Variants in DPY19L4 observed in about 807,000 individuals in gnomAD.
DPY19L4 encodes dpy-19 like 4.
In DPY19L4, 97 loss-of-function variants were observed where a neutral mutation model predicts 102.8. The observed-to-expected ratio is 0.94, with a 90% CI of 0.80 to 1.12. The LOEUF is 1.12. Among genes scored for constraint, DPY19L4 ranks in the 50% most tolerant of loss-of-function variants. The pLI, the probability that DPY19L4 is intolerant of heterozygous loss-of-function variation, is 0.00. For missense variants in DPY19L4, 815 were observed against 850.4 expected, an observed-to-expected ratio of 0.96 and a Z score of 0.52; for synonymous variants, 252 against 283.1, an observed-to-expected ratio of 0.89 and a Z score of 1.10.
Position 94,734,770 on chromosome 8 carries a change from T to A in DPY19L4, c.252+16T>A, listed in dbSNP as rs1336108413. On this transcript the variant is annotated intron_variant, in intron 3 of 18. Coordinates refer to ENST00000414645, the MANE Select transcript of DPY19L4 (RefSeq NM_181787.3). ...CAACAGGCAGGTAAGAAGAAAGAAT[T>A]TTGAGCATATGAAAGTTATTTTCCC... is the stretch of plus-strand genomic sequence containing the variant. The A allele has an allele frequency of 1.2e-6, 2 of 1,613,088 alleles. No homozygotes were observed. The highest frequency in any genetic ancestry group is 2.2e-5 in the South Asian group (2 of 90,744).
rs568136321 is a variant in DPY19L4 at position 94,740,720 on chromosome 8, G to A, written c.611+930G>A. Among the ~76,000 whole-genome samples the A allele has an allele frequency of 6.4e-4, 97 of 152,306 alleles. 1 individual carries two copies. The highest frequency in any genetic ancestry group is 2.2e-3 in the African/African-American group (91 of 41,580). ...TCCACCCACCTTGGCCTCCCAAAGT[G>A]TTGGGATTACAGGTGTGAGCCACTG... On this transcript the variant is annotated intron_variant, in intron 6 of 18. Coordinates refer to ENST00000414645, the MANE Select transcript of DPY19L4 (RefSeq NM_181787.3).
chr8:94,755,154 T>G (rs183639408), intron 6 of DPY19L4, among the ~76,000 whole-genome samples: 6 of 152,336 alleles, frequency 3.9e-5, no homozygotes, highest in Non-Finnish European at 8.8e-5. Flanking sequence ...TATAAGACTG[T>G]GATATTAATT....
intron 6 of DPY19L4, among the ~76,000 whole-genome samples, chr8:94,746,873 T>G (rs1413597810): frequency 6.6e-6 from 1 of 151,764 alleles, no homozygotes; most frequent in African/African-American, 2.4e-5. Flanking sequence ...TTCGTTTCTT[T>G]TCTTGCTTTC....
Position 94,756,061 on chromosome 8 carries a change from T to C in DPY19L4, c.637T>C (p.Ser213Pro), listed in dbSNP as rs773726403. The change falls in exon 7 of 19, where the codon TCC becomes CCC. Residue 213 changes from serine to proline, a missense_variant. Physicochemically the swap from Ser to Pro is moderately conservative, Grantham distance 74. Transcript: ENST00000414645. ...NRVDTTRIEY[S>P]IPLRENWALP... ...GGTAGATACAACAAGAATTGAATAC[T>C]CCATTCCTTTAAGAGAAAACTGGGC... The C allele has an allele frequency of 1.9e-5, 30 of 1,612,592 alleles. No individual in the cohort carries two copies. In the South Asian group the frequency reaches 3.3e-4, roughly 18 times the overall value.
chr8:94,736,381 A>G (rs1811189681), intron 3 of DPY19L4, among the ~76,000 whole-genome samples: 1 of 152,252 alleles, frequency 6.6e-6, no homozygotes, highest in African/African-American at 2.4e-5. Flanking sequence ...TATAAGATAT[A>G]CTGAAACTCT....
At chr8:94,739,892 C>A in intron 6 of DPY19L4, 102 bp downstream of exon 6, 1 of 1,369,296 alleles carries the variant, frequency 7.3e-7, no homozygotes, top group Non-Finnish European at 1.0e-6. Flanking sequence ...CTCTAATCCT[C>A]AGAACCTATG....
At chr8:94,720,409 G>T (rs1444175443) in intron 1 of DPY19L4, among the ~76,000 whole-genome samples, 1 of 152,138 alleles carries the variant, frequency 6.6e-6, no homozygotes, top group African/African-American at 2.4e-5. Context: ...AAGGGCTGTG[G>T]ATATTGACAA....
Position 94,720,008 on chromosome 8 carries a change from G to A in DPY19L4, c.10G>A (p.Glu4Lys), listed in dbSNP as rs1810380943. The A allele has an allele frequency of 7.2e-6, 11 of 1,532,548 alleles. No homozygotes were observed. Among genetic ancestry groups the A allele is most frequent in the Non-Finnish European group, 8.8e-6 (10 of 1,141,218 alleles). 94.9% of individuals were successfully genotyped at this position (1,532,548 alleles called of 1,614,324 possible). A position where few individuals can be genotyped will look rare whatever the true frequency, so the allele number is the denominator to read the frequency against. ...AGCCTTCGCAGAAACGATGGCGGAG[G>A]AAGAAGGTGATTGCCGCGGGGTCCA... MAE[E>K]EGPPVELRQR... The change falls in exon 1 of 19, where the codon GAA (glutamate) becomes AAA (lysine). Residue 4 changes from glutamate (E) to lysine (K), a missense_variant. Transcript: ENST00000414645.
chr8:94,788,095 A>ATATATATATATATTT (rs778540423), intron 18 of DPY19L4, 43 bp downstream of exon 18: 1 of 939,262 alleles, frequency 1.1e-6, no homozygotes, highest in African/African-American at 2.3e-5. Flanking sequence ...ATATATATAT[A>ATATATATATATATTT]TTTTTTTTTT....
chr8:94,773,837 C>A (rs1267310264), intron 13 of DPY19L4, among the ~76,000 whole-genome samples: 2 of 143,496 alleles, frequency 1.4e-5, no homozygotes, highest in Non-Finnish European at 3.0e-5. Flanking sequence ...GAGTTTGAAA[C>A]CAACTTGGGC....
At chr8:94,750,136 A>G (rs1227668119) in intron 6 of DPY19L4, among the ~76,000 whole-genome samples, 1 of 152,060 alleles carries the variant, frequency 6.6e-6, no homozygotes, top group Non-Finnish European at 1.5e-5. Flanking sequence ...TTGTATTTTT[A>G]GTAGAGATGG....
At chr8:94,769,423 A>G (rs1563606176) in intron 12 of DPY19L4, among the ~76,000 whole-genome samples, 1 of 152,202 alleles carries the variant, frequency 6.6e-6, no homozygotes, top group Non-Finnish European at 1.5e-5. Flanking sequence ...TAGAGACTTA[A>G]TATATAACTG....
chr8:94,779,247 T>G (rs1813323808), intron 14 of DPY19L4, among the ~76,000 whole-genome samples: 1 of 151,328 alleles, frequency 6.6e-6, no homozygotes, highest in Non-Finnish European at 1.5e-5. Context: ...GCTTTAATTG[T>G]TTAAATAACT....
intron 13 of DPY19L4, among the ~76,000 whole-genome samples, chr8:94,770,790 T>C (rs1437403789): frequency 6.6e-6 from 1 of 151,780 alleles, no homozygotes; most frequent in African/African-American, 2.4e-5. Context: ...CTGGGGAGGC[T>C]GAGGTGGCAG....
At chr8:94,785,445 T>G (rs558209286) in intron 17 of DPY19L4, among the ~76,000 whole-genome samples, 101 of 152,280 alleles carry the variant, frequency 6.6e-4, no homozygotes, top group African/African-American at 2.4e-3. Flanking sequence ...GAAACTTGTT[T>G]GGAAAAGAAA....
At chr8:94,727,952 T>C (rs576927244) in intron 2 of DPY19L4, among the ~76,000 whole-genome samples, 53 of 152,206 alleles carry the variant, frequency 3.5e-4, no homozygotes, top group Middle Eastern at 6.8e-3. Flanking sequence ...CTTTCTTTTT[T>C]TCCTTTTTCT....
At chr8:94,769,870 A>T (rs1403143064) in intron 12 of DPY19L4, among the ~76,000 whole-genome samples, 1 of 150,744 alleles carries the variant, frequency 6.6e-6, no homozygotes, top group African/African-American at 2.4e-5. Flanking sequence ...AGAACCTACA[A>T]ATCTTTATTA....
At chr8:94,754,226 A>C (rs1412263157) in intron 6 of DPY19L4, among the ~76,000 whole-genome samples, 1 of 152,144 alleles carries the variant, frequency 6.6e-6, no homozygotes, top group Non-Finnish European at 1.5e-5. Flanking sequence ...AGATGAGTAA[A>C]AATGATTTTT....
chr8:94,743,269 A>T (rs1183197367), intron 6 of DPY19L4, among the ~76,000 whole-genome samples: 1 of 151,884 alleles, frequency 6.6e-6, no homozygotes, highest in Non-Finnish European at 1.5e-5. Flanking sequence ...ACCTCAAGTG[A>T]TCCACCCGCC....
Sources: gnomAD v4.1 joint callset for allele counts (sites outside exome capture counted in the v4.1 genomes callset) on GRCh38, gnomAD v4.1.1 for gene constraint, MANE v1.5 for transcripts, NCBI Gene and HGNC (gene_info 2026-07-23, HGNC 2026-07-21) for gene names.